The following ATP2C2 variants were observed in gnomAD, a reference collection of about 807,000 sequenced individuals.
ATP2C2 encodes calcium-transporting ATPase type 2C member 2.
ATP2C2 carries 171 observed loss-of-function variants against 110.8 expected under a neutral mutation model. The observed-to-expected ratio is 1.54, with a 90% CI of 1.36 to 1.75. The LOEUF is 1.75. Among genes scored for constraint, ATP2C2 ranks in the 40% most tolerant of loss-of-function variants. ATP2C2 has a pLI of 0.00. For missense variants in ATP2C2, 1,963 were observed against 1,235.0 expected (o/e 1.59, Z -8.84); for synonymous variants, 804 against 508.4 (o/e 1.58, Z -7.82).
chr16:84,401,060 C>A (rs955794464), intron 2 of ATP2C2, among the ~76,000 whole-genome samples: 6 of 152,080 alleles, frequency 3.9e-5, no homozygotes, highest in Non-Finnish European at 2.9e-5. Flanking sequence ...TGTGCAGAAG[C>A]CTTTTAACTT....
At chr16:84,456,555 C>G (rs1910804623) in intron 21 of ATP2C2, among the ~76,000 whole-genome samples, 1 of 121,862 alleles carries the variant, frequency 8.2e-6, no homozygotes, top group East Asian at 2.3e-4. Flanking sequence ...TCAAATTGTC[C>G]CTGTTTGCAG....
intron 21 of ATP2C2, 135 bp from the exon 22 acceptor site, chr16:84,458,985 A>T (rs1239440257): frequency 2.1e-6 from 2 of 934,290 alleles, no homozygotes; most frequent in East Asian, 2.4e-5. Context: ...CAAGAATGCC[A>T]GCAAGGGGAA....
intron 19 of ATP2C2, 36 bp downstream of exon 19, chr16:84,453,271 G>A: frequency 1.2e-6 from 2 of 1,614,090 alleles, no homozygotes; most frequent in Non-Finnish European, 1.7e-6. Flanking sequence ...AGTGGGGCTG[G>A]GTCACAGCTT....
At chr16:84,419,184 G>A (rs921404564) in intron 7 of ATP2C2, among the ~76,000 whole-genome samples, 1 of 144,394 alleles carries the variant, frequency 6.9e-6, no homozygotes, top group African/African-American at 2.6e-5. Context: ...CTGTAGCCTG[G>A]GTGACAGAGT....
intron 21 of ATP2C2, among the ~76,000 whole-genome samples, chr16:84,458,349 TCGGGGG>T (rs1567745041): frequency 1.8e-4 from 1 of 5,424 alleles, no homozygotes; most frequent in East Asian, 0.071. Context: ...TGTGGTGGGG[TCGGGGG>T]AGGGGGGGAG....
intron 11 of ATP2C2, among the ~76,000 whole-genome samples, chr16:84,437,277 T>G (rs1342847716): frequency 6.6e-6 from 1 of 152,118 alleles, no homozygotes; most frequent in East Asian, 1.9e-4. Context: ...AGCCTCAGCC[T>G]TGACCTCCCA....
At chr16:84,405,446 C>T (rs1295260887) in intron 3 of ATP2C2, among the ~76,000 whole-genome samples, 1 of 152,038 alleles carries the variant, frequency 6.6e-6, no homozygotes, top group African/African-American at 2.4e-5. Flanking sequence ...TGATCACTTT[C>T]GTAGACAGTT....
chr16:84,403,244 A>T (rs1490227926), intron 2 of ATP2C2, among the ~76,000 whole-genome samples: 1 of 152,112 alleles, frequency 6.6e-6, no homozygotes, highest in Non-Finnish European at 1.5e-5. Flanking sequence ...GTTTCTTAAG[A>T]CAGGCCTATT....
chr16:84,373,002 C>A (rs915422510), intron 1 of ATP2C2, among the ~76,000 whole-genome samples: 2 of 151,576 alleles, frequency 1.3e-5, no homozygotes, highest in Non-Finnish European at 2.9e-5. Flanking sequence ...CACCTGTAAT[C>A]CCAGCTACTG....
At chr16:84,455,406 A>C (rs1428325675) in intron 21 of ATP2C2, among the ~76,000 whole-genome samples, 4 of 152,146 alleles carry the variant, frequency 2.6e-5, no homozygotes, top group African/African-American at 9.7e-5. Context: ...CTTCCGTTTG[A>C]GGCCTGCGTG....
intron 9 of ATP2C2, among the ~76,000 whole-genome samples, chr16:84,422,954 C>T (rs1233231592): frequency 1.3e-5 from 2 of 152,082 alleles, no homozygotes; most frequent in Admixed American, 1.3e-4. Context: ...CATAAGCCAC[C>T]ACACCTGGCC....
At chr16:84,432,484 C>G (rs141143220) in intron 11 of ATP2C2, among the ~76,000 whole-genome samples, 1 of 151,780 alleles carries the variant, frequency 6.6e-6, no homozygotes, top group African/African-American at 2.4e-5. Context: ...TCCATGTATT[C>G]TCATTGTTCA....
At chr16:84,449,757 T>A (rs1484614691) in intron 17 of ATP2C2, among the ~76,000 whole-genome samples, 1 of 152,200 alleles carries the variant, frequency 6.6e-6, no homozygotes, top group Non-Finnish European at 1.5e-5. Flanking sequence ...TGGCAGCTGC[T>A]TTTGTCATGG....
chr16:84,385,828 A>G (rs1904311433), intron 1 of ATP2C2, among the ~76,000 whole-genome samples: 1 of 152,084 alleles, frequency 6.6e-6, no homozygotes, highest in South Asian at 2.1e-4. Context: ...CCATCTAATC[A>G]CCTCCCATGA....
intron 16 of ATP2C2, among the ~76,000 whole-genome samples, chr16:84,447,688 T>G (rs1461423553): frequency 6.9e-6 from 1 of 145,096 alleles, no homozygotes; most frequent in East Asian, 1.9e-4. Flanking sequence ...CATATATTAT[T>G]TAATATATAT....
At chr16:84,445,539 A>G (rs1254316544) in intron 15 of ATP2C2, among the ~76,000 whole-genome samples, 2 of 152,142 alleles carry the variant, frequency 1.3e-5, no homozygotes, top group Admixed American at 1.3e-4. Context: ...ATGTTGGCTT[A>G]GGGCCAACCC....
At chr16:84,377,619 G>T (rs888360996) in intron 1 of ATP2C2, among the ~76,000 whole-genome samples, 2 of 151,968 alleles carry the variant, frequency 1.3e-5, no homozygotes, top group South Asian at 2.1e-4. Context: ...TTGGATTAAG[G>T]CCCCACCAAT....
intron 1 of ATP2C2, among the ~76,000 whole-genome samples, chr16:84,390,802 C>T (rs1904610290): frequency 6.6e-6 from 1 of 152,028 alleles, no homozygotes; most frequent in Non-Finnish European, 1.5e-5. Flanking sequence ...TTATAAAAAG[C>T]TTTAAAAAGG....
At chr16:84,410,080 G>A (rs766404982) in intron 4 of ATP2C2, among the ~76,000 whole-genome samples, 12 of 152,120 alleles carry the variant, frequency 7.9e-5, no homozygotes, top group Non-Finnish European at 1.6e-4. Context: ...ATGGTGGCAT[G>A]TGCCTGTGGT....
Sources: allele counts gnomAD v4.1 joint callset (sites outside exome capture counted in the v4.1 genomes callset), GRCh38; gene constraint gnomAD v4.1.1; transcripts MANE v1.5; gene names NCBI Gene and HGNC (gene_info 2026-07-23, HGNC 2026-07-21).